RNF4: variants seen among roughly 807,000 people sequenced by gnomAD.
The protein encoded by RNF4 is ring finger protein 4.
Under a neutral mutation model 24.3 loss-of-function variants are expected in RNF4, and 7 were observed. The observed-to-expected ratio is 0.29, with a 90% confidence interval of 0.16 to 0.54. The LOEUF is 0.54. RNF4 is among the 20% of genes least tolerant of loss of function. RNF4 has a pLI of 0.95. For synonymous variants in RNF4, 83 were observed against 84.3 expected, an observed-to-expected ratio of 0.98 and a Z score of 0.09; for missense variants, 209 against 248.5, an observed-to-expected ratio of 0.84 and a Z score of 1.07.
intron 4 of RNF4, among the ~76,000 whole-genome samples, chr4:2,501,706 G>A (rs1735916149): frequency 6.6e-6 from 1 of 152,194 alleles, no homozygotes; most frequent in African/African-American, 2.4e-5. Flanking sequence ...ATTGGCAGTG[G>A]GGTGGTAAGT....
At chr4:2,508,680 G>A (rs1244390911) in intron 4 of RNF4, among the ~76,000 whole-genome samples, 7 of 151,932 alleles carry the variant, frequency 4.6e-5, no homozygotes, top group African/African-American at 7.3e-5. Flanking sequence ...GTGCAATCTC[G>A]GCTCACCACA....
chr4:2,487,880 A>T (rs1334254679), intron 1 of RNF4, among the ~76,000 whole-genome samples: 1 of 152,196 alleles, frequency 6.6e-6, no homozygotes, highest in African/African-American at 2.4e-5. Flanking sequence ...AGTGAGATAC[A>T]GTATGCCATT....
intron 1 of RNF4, chr4:2,469,669 C>G: frequency 6.6e-6 from 1 of 152,428 alleles, no homozygotes; most frequent in Non-Finnish European, 1.5e-5. Context: ...GTTCGCGCCG[C>G]CGCCCCGCCA....
intron 1 of RNF4, among the ~76,000 whole-genome samples, chr4:2,472,106 T>C (rs886985003): frequency 2.0e-5 from 3 of 152,210 alleles, no homozygotes; most frequent in African/African-American, 4.8e-5. Flanking sequence ...AGTCTGATTC[T>C]CTTGTTAGGG....
chr4:2,475,310 C>A (rs182895513), intron 1 of RNF4, among the ~76,000 whole-genome samples: 12 of 151,870 alleles, frequency 7.9e-5, no homozygotes, highest in Non-Finnish European at 2.9e-5. Flanking sequence ...GGGCTACAGG[C>A]GCACGCCACC....
Position 2,512,723 on chromosome 4 carries a change from C to G in RNF4, c.374+126C>G. ...GCTTGCCCAAGCCTCTACCCAGCAT[C>G]TGGATACAGTTGGAACTGGGTCCAG... On this transcript the variant is annotated intron_variant, in intron 6 of 7. Coordinates refer to ENST00000314289, the MANE Select transcript of RNF4 (RefSeq NM_002938.5). The surrounding 1 kb of genome is among the most constrained non-coding windows in gnomAD (Gnocchi z 4.1). The G allele has an allele frequency of 1.8e-6, 2 of 1,120,636 alleles. No individual in the cohort carries two copies. The highest frequency in any genetic ancestry group is 2.5e-6 in the Non-Finnish European group (2 of 799,390). The allele number at this position is 1,120,636 out of a possible 1,614,324, so 69.4% of individuals were successfully genotyped here. A position where few individuals can be genotyped will look rare whatever the true frequency, so the allele number is the denominator to read the frequency against.
chr4:2,481,327 G>A (rs890296777), intron 1 of RNF4: 12 of 152,158 alleles, frequency 7.9e-5, no homozygotes, highest in African/African-American at 2.4e-4. Flanking sequence ...TCAGTGTTGT[G>A]CCCTAATTCC....
intron 1 of RNF4, among the ~76,000 whole-genome samples, chr4:2,474,780 T>TTA (rs1489890728): frequency 6.6e-6 from 1 of 152,014 alleles, no homozygotes; most frequent in Admixed American, 6.6e-5. Context: ...ATCCCAGCAC[T>TTA]TTAGGAGGCC....
chr4:2,498,264 A>G (rs1040733059), intron 3 of RNF4, among the ~76,000 whole-genome samples: 2 of 151,866 alleles, frequency 1.3e-5, no homozygotes, highest in Non-Finnish European at 2.9e-5. Context: ...GCTCACTGCA[A>G]CCTCTGCCTC....
intron 1 of RNF4, among the ~76,000 whole-genome samples, chr4:2,479,425 A>G (rs1427766765): frequency 6.6e-6 from 1 of 152,126 alleles, no homozygotes; most frequent in Admixed American, 6.5e-5. Context: ...CCCAGATCTC[A>G]TCTTGAATTT....
intron 1 of RNF4, among the ~76,000 whole-genome samples, chr4:2,477,222 G>C (rs1735104465): frequency 6.6e-6 from 1 of 152,172 alleles, no homozygotes. Flanking sequence ...GGGACCCAGT[G>C]GGAGGCAATT....
At chr4:2,484,067 T>TCCCCCCCCCCCCCCCCCCCCCCCC (rs56727538) in intron 1 of RNF4, among the ~76,000 whole-genome samples, 1 of 13,248 alleles carries the variant, frequency 7.5e-5, no homozygotes, top group Non-Finnish European at 1.6e-4. Context: ...CCTCAGGTGA[T>TCCCCCCCCCCCCCCCCCCCCCCCC]CCCCCCCCGC....
chr4:2,488,482 A>T (rs528941364), intron 1 of RNF4, among the ~76,000 whole-genome samples: 66 of 152,288 alleles, frequency 4.3e-4, no homozygotes, highest in African/African-American at 1.4e-3. Flanking sequence ...ACAAAAAAAA[A>T]CTGAGTGGGA....
In RNF4 at chr4:2,472,368, G is replaced by A. The variant is rs544498071; in HGVS notation, c.-158+3110G>A. ...GAGAATGTGCTTAGTCACCAAAGAG[G>A]TCTCATGGAGATGAGTAAGATTAAT... On this transcript the variant is annotated intron_variant, in intron 1 of 7. Transcript: ENST00000314289. Among the ~76,000 whole-genome samples, 3 of 152,326 alleles carry A rather than the reference G, an allele frequency of 2.0e-5. No individual in the cohort carries two copies. The East Asian group carries it at 5.8e-4, about 29-fold the overall frequency.
rs367662183 is a variant in RNF4 at position 2,513,808 on chromosome 4, A to G, written c.562A>G (p.Ile188Val). 55 of 1,613,854 alleles carry G rather than the reference A, an allele frequency of 3.4e-5. No individual in the cohort carries two copies. The highest frequency in any genetic ancestry group is 4.4e-5 in the Non-Finnish European group (52 of 1,179,908). Reference protein sequence around the residue: ...KKINHKRYHPIYI With the variant: ...KKINHKRYHPVYI Reference sequence around the variant, plus strand: ...GATCAACCACAAACGGTACCACCCCATTTATATATGAAGTATTCAGAGCCC... The same window carrying G: ...GATCAACCACAAACGGTACCACCCCGTTTATATATGAAGTATTCAGAGCCC... The change falls in exon 8 of 8, where the codon ATT becomes GTT. Residue 188 changes from isoleucine (I) to valine (V), a missense_variant. Transcript: ENST00000314289.
At chr4:2,504,524 T>TTTTATTTAGTTA (rs1553879472) in intron 4 of RNF4, among the ~76,000 whole-genome samples, 17 of 140,814 alleles carry the variant, frequency 1.2e-4, no homozygotes, top group Non-Finnish European at 9.2e-5. Context: ...GTTTTATAGC[T>TTTTATTTAGTTA]TTTATTTATT....
At chr4:2,490,542 C>T (rs750897446) in intron 2 of RNF4, 40 bp downstream of exon 2, 1 of 1,590,862 alleles carries the variant, frequency 6.3e-7, no homozygotes, top group Non-Finnish European at 8.6e-7. Flanking sequence ...TTTTGTAGGG[C>T]TAATTAACTA....
intron 4 of RNF4, among the ~76,000 whole-genome samples, chr4:2,511,222 C>A (rs1250603041): frequency 6.6e-6 from 1 of 152,074 alleles, no homozygotes; most frequent in Non-Finnish European, 1.5e-5. Flanking sequence ...TAAGTAAGGT[C>A]CCCAGGTCTT....
chr4:2,509,115 C>T (rs1226058532), intron 4 of RNF4, among the ~76,000 whole-genome samples: 1 of 150,688 alleles, frequency 6.6e-6, no homozygotes, highest in Non-Finnish European at 1.5e-5. Context: ...GACAGGGTTT[C>T]ACCATGTTGG....
Sources: allele counts gnomAD v4.1 joint callset (sites outside exome capture counted in the v4.1 genomes callset), GRCh38; gene constraint gnomAD v4.1.1; non-coding constraint Gnocchi (gnomAD v3.1); transcripts MANE v1.5; gene names NCBI Gene and HGNC (gene_info 2026-07-23, HGNC 2026-07-21).